LIFR: variants seen among roughly 807,000 people sequenced by gnomAD.
LIFR encodes the protein leukemia inhibitory factor receptor.
Under a neutral mutation model 122.2 loss-of-function variants are expected in LIFR, and 84 were observed. The ratio of observed to expected loss-of-function variants is 0.69; its 90% CI spans 0.58 to 0.82. The LOEUF is 0.82. Ranked by LOEUF, LIFR falls within the 40% of genes least tolerant of loss-of-function variation. LIFR has a pLI of 0.00. For missense variants in LIFR, 1,294 were observed against 1,311.6 expected (o/e 0.99, Z 0.21); for synonymous variants, 422 against 434.7 (o/e 0.97, Z 0.36).
At chr5:38,497,073 G>A (rs1221836443) in intron 12 of LIFR, among the ~76,000 whole-genome samples, 2 of 151,864 alleles carry the variant, frequency 1.3e-5, no homozygotes, top group South Asian at 2.1e-4. Flanking sequence ...CGAGGCAGGC[G>A]GATCATGAGG....
chr5:38,536,363 A>C (rs188391586), intron 1 of LIFR, among the ~76,000 whole-genome samples: 71 of 152,348 alleles, frequency 4.7e-4, no homozygotes, highest in Admixed American at 3.0e-3. Context: ...GTAAAAAAAA[A>C]AGTACCGTTT....
chr5:38,479,514 T>C lies in LIFR; in HGVS notation c.*2081A>G, dbSNP rs549375204. On this transcript the variant is annotated 3_prime_UTR_variant, in exon 20 of 20. Transcript: ENST00000453190. ...TGGTCACAGTTGAAATGCATATATA[T>C]TGACAGACAGAGATCAAACAATCTC... 1 of 231,498 alleles carries C rather than the reference T, an allele frequency of 4.3e-6. No individual in the cohort carries two copies. Among genetic ancestry groups the C allele is most frequent in the Non-Finnish European group, 8.6e-6 (1 of 116,938 alleles). The allele number at this position is 231,498 out of a possible 1,614,324, so 14.3% of individuals were successfully genotyped here. A position where few individuals can be genotyped will look rare whatever the true frequency, so the allele number is the denominator to read the frequency against.
chr5:38,599,602 A>G (rs1187950922), upstream of LIFR, among the ~76,000 whole-genome samples: 1 of 152,192 alleles, frequency 6.6e-6, no homozygotes, highest in Admixed American at 6.5e-5. Context: ...GAGTATGGAA[A>G]GTGCCAAATA....
chr5:38,598,607 TTC>T (rs1365985311), upstream of LIFR, among the ~76,000 whole-genome samples: 1 of 152,050 alleles, frequency 6.6e-6, no homozygotes, highest in African/African-American at 2.4e-5. Context: ...ACTGAGCTTT[TTC>T]TCTGCAGGCC....
intron 10 of LIFR, among the ~76,000 whole-genome samples, chr5:38,503,267 T>G (rs1459939016): frequency 6.6e-6 from 1 of 152,188 alleles, no homozygotes; most frequent in Non-Finnish European, 1.5e-5. Flanking sequence ...AATATGACAC[T>G]TAGAACTTCT....
chr5:38,533,627 T>C lies in LIFR; in HGVS notation c.-19-2961A>G, dbSNP rs58015235. Reference sequence around the variant, plus strand: ...AAAAGTAAAGCTAAATACCAGAAACTAGTCCCAACACATTTTGTTGCTTAT... The same window carrying C: ...AAAAGTAAAGCTAAATACCAGAAACCAGTCCCAACACATTTTGTTGCTTAT... On this transcript the variant is annotated intron_variant, in intron 1 of 19. Transcript: ENST00000453190. Among the ~76,000 whole-genome samples, 683 of 152,352 alleles carry C rather than the reference T, an allele frequency of 4.5e-3. 6 individuals carry two copies. The highest frequency in any genetic ancestry group is 0.015 in the African/African-American group (634 of 41,576).
At chr5:38,585,337 A>G (rs1749713308) in intron 1 of LIFR, among the ~76,000 whole-genome samples, 1 of 152,228 alleles carries the variant, frequency 6.6e-6, no homozygotes, top group African/African-American at 2.4e-5. Context: ...AACAGATCAA[A>G]AGGGGTTGTA....
intron 11 of LIFR, among the ~76,000 whole-genome samples, chr5:38,500,473 ACAGC>A (rs1745119915): frequency 6.6e-6 from 1 of 152,222 alleles, no homozygotes; most frequent in Non-Finnish European, 1.5e-5. Flanking sequence ...CCTTATACAC[ACAGC>A]CTGAAGGTAA....
chr5:38,481,711 G>T lies in LIFR; in HGVS notation c.3178C>A (p.Pro1060Thr). 1 of 1,614,156 alleles carries T rather than the reference G, an allele frequency of 6.2e-7. No homozygotes were observed. The highest frequency in any genetic ancestry group is 8.5e-7 in the Non-Finnish European group (1 of 1,180,024). ...SNSEIVSFGS[P>T]CSINSRQFLI... is the part of the protein sequence containing the mutation. ...AATTGTCGGGAATTAATGGAGCATG[G>T]ACTTCCAAATGAGACAATCTCACTG... Residue 1060 changes from proline to threonine, a missense_variant, in exon 20 of 20, where the codon CCA becomes ACA. Pro to Thr is a conservative substitution (Grantham distance 38). Transcript: ENST00000453190.
chr5:38,481,720 A>G lies in LIFR; in HGVS notation c.3169T>C (p.Phe1057Leu). ...SIDSNSEIVS[F>L]GSPCSINSRQ... ...GAATTAATGGAGCATGGACTTCCAAATGAGACAATCTCACTGTTGCTGTCT... is the reference window on the plus strand; with the variant it reads ...GAATTAATGGAGCATGGACTTCCAAGTGAGACAATCTCACTGTTGCTGTCT... Residue 1057 changes from phenylalanine to leucine, a missense_variant, in exon 20 of 20, where the codon TTT becomes CTT. Coordinates refer to ENST00000453190, the MANE Select transcript of LIFR (RefSeq NM_001127671.2). 1 of 1,614,194 alleles carries G rather than the reference A, an allele frequency of 6.2e-7. No individual in the cohort carries two copies. Among genetic ancestry groups the G allele is most frequent in the South Asian group, 1.1e-5 (1 of 91,082 alleles).
chr5:38,554,611 G>A (rs184047967), intron 1 of LIFR, among the ~76,000 whole-genome samples: 181 of 152,268 alleles, frequency 1.2e-3, no homozygotes, highest in African/African-American at 4.1e-3. Flanking sequence ...GGGAAGCGGG[G>A]CAGGGGGAGC....
At chr5:38,485,452 A>AT (rs1491237815) in intron 17 of LIFR, 2 of 310,802 alleles carry the variant, frequency 6.4e-6, no homozygotes, top group Non-Finnish European at 1.2e-5. Context: ...TTTACAAAAA[A>AT]TTTTTTTAAG....
intron 1 of LIFR, among the ~76,000 whole-genome samples, chr5:38,548,912 T>C (rs1485565494): frequency 1.3e-5 from 2 of 152,282 alleles, no homozygotes; most frequent in Admixed American, 6.5e-5. Flanking sequence ...AAATTCTGTA[T>C]TAAGAATAGA....
At chr5:38,511,672 A>C (rs543821386) in intron 6 of LIFR, 118 bp downstream of exon 6, 1 of 957,668 alleles carries the variant, frequency 1.0e-6, no homozygotes, top group East Asian at 2.5e-5. Context: ...AGACGCTCCC[A>C]GGTAATCCTC....
Position 38,548,952 on chromosome 5 carries a change from G to A in LIFR, c.-20+7382C>T, listed in dbSNP as rs374605512. On this transcript the variant is annotated intron_variant, in intron 1 of 19. Coordinates refer to ENST00000453190, the MANE Select transcript of LIFR (RefSeq NM_001127671.2). ...TGGCTTTAATCACCATATCAGATCA[G>A]TGAGATCAAGGTAACGTTTATTAAA... Among the ~76,000 whole-genome samples the A allele has an allele frequency of 3.3e-5, 5 of 152,182 alleles. No individual in the cohort carries two copies. In the South Asian group the frequency reaches 8.3e-4, roughly 25 times the overall value.
chr5:38,553,387 C>T (rs1169071499), intron 1 of LIFR, among the ~76,000 whole-genome samples: 1 of 151,814 alleles, frequency 6.6e-6, no homozygotes. Flanking sequence ...GTCACCATCA[C>T]TTATTGTATC....
At chr5:38,554,171 T>C (rs1301328469) in intron 1 of LIFR, among the ~76,000 whole-genome samples, 1 of 152,276 alleles carries the variant, frequency 6.6e-6, no homozygotes, top group African/African-American at 2.4e-5. Flanking sequence ...AATGTGTATC[T>C]GTTCCTTCTT....
intron 1 of LIFR, among the ~76,000 whole-genome samples, chr5:38,562,278 C>T (rs1290846308): frequency 1.3e-5 from 2 of 152,152 alleles, no homozygotes; most frequent in Non-Finnish European, 2.9e-5. Flanking sequence ...TTTCCGCCTC[C>T]GTCTTCACGT....
At chr5:38,534,533 T>C (rs573333328) in intron 1 of LIFR, among the ~76,000 whole-genome samples, 6 of 152,146 alleles carry the variant, frequency 3.9e-5, no homozygotes, top group Admixed American at 3.3e-4. Flanking sequence ...TTTATCAGTA[T>C]ATAGGTCTAG....
Sources: allele counts gnomAD v4.1 joint callset (sites outside exome capture counted in the v4.1 genomes callset), GRCh38; gene constraint gnomAD v4.1.1; transcripts MANE v1.5; gene names NCBI Gene and HGNC (gene_info 2026-07-23, HGNC 2026-07-21).